ABTB2: variants seen among roughly 807,000 people sequenced by gnomAD.
ABTB2 encodes the protein ankyrin repeat and BTB/POZ domain-containing protein 2.
In ABTB2, 56 loss-of-function variants were observed where a neutral mutation model predicts 104.1. That is an observed-to-expected ratio of 0.54 (90% CI 0.43 to 0.67). The LOEUF is 0.67. Among genes scored for constraint, ABTB2 ranks in the 30% least tolerant of loss-of-function variants. The probability of loss-of-function intolerance (pLI) is 0.00; values close to 1 mark genes in which losing one functional copy is unlikely to be tolerated. For missense variants in ABTB2, 1,279 were observed against 1,407.7 expected (o/e 0.91, Z 1.46); for synonymous variants, 606 against 608.2 (o/e 1.00, Z 0.05).
At chr11:34,286,446 C>T (rs1316692483) in intron 1 of ABTB2, among the ~76,000 whole-genome samples, 2 of 152,040 alleles carry the variant, frequency 1.3e-5, no homozygotes, top group East Asian at 1.9e-4. Flanking sequence ...GCACCCGCCA[C>T]CACACCCAGC....
intron 1 of ABTB2, among the ~76,000 whole-genome samples, chr11:34,310,084 C>G (rs1037547875): frequency 6.6e-6 from 1 of 152,132 alleles, no homozygotes; most frequent in African/African-American, 2.4e-5. Flanking sequence ...CGCCCTGCAT[C>G]TAAAAGGGGG....
intron 1 of ABTB2, among the ~76,000 whole-genome samples, chr11:34,235,032 T>G (rs964316716): frequency 6.6e-6 from 1 of 152,244 alleles, no homozygotes; most frequent in East Asian, 1.9e-4. Context: ...TAATTTTTTT[T>G]TTGTATTTTT....
At chr11:34,312,293 C>T (rs1854865943) in intron 1 of ABTB2, among the ~76,000 whole-genome samples, 1 of 152,174 alleles carries the variant, frequency 6.6e-6, no homozygotes, top group Admixed American at 6.5e-5. Context: ...CCCAGGAAAA[C>T]ACACCTTGTT....
intron 8 of ABTB2, 146 bp downstream of exon 8, chr11:34,165,114 C>G (rs920545312): frequency 1.2e-6 from 1 of 802,356 alleles, no homozygotes; most frequent in Non-Finnish European, 1.9e-6. Context: ...GGGGAAGCCC[C>G]CAGTGGTCCA....
chr11:34,155,924 CTGAG>C (rs1473372873), intron 14 of ABTB2, among the ~76,000 whole-genome samples: 3 of 152,244 alleles, frequency 2.0e-5, no homozygotes, highest in East Asian at 3.8e-4. Context: ...ATGCAGGGCA[CTGAG>C]TGAGTGCTCA....
At chr11:34,335,201 A>C in intron 1 of ABTB2, 1 of 1,263,700 alleles carries the variant, frequency 7.9e-7, no homozygotes, top group Non-Finnish European at 1.2e-6. Flanking sequence ...TACCCCAGAG[A>C]CTATGACGAA....
At chr11:34,355,666 G>A (rs766003993) in intron 1 of ABTB2, among the ~76,000 whole-genome samples, 22 of 152,090 alleles carry the variant, frequency 1.4e-4, no homozygotes, top group Non-Finnish European at 2.9e-4. Flanking sequence ...ACTGAAAGCT[G>A]CCCCCCAAAT....
In ABTB2 at chr11:34,327,155, G is replaced by T. The variant is rs536442150; in HGVS notation, c.883+29546C>A. ...GATAAACAACAAAACATGACTATTTGCTGTATACAAGAAACTCACTTGGAA... is the reference window on the plus strand; with the variant it reads ...GATAAACAACAAAACATGACTATTTTCTGTATACAAGAAACTCACTTGGAA... On this transcript the variant is annotated intron_variant, in intron 1 of 16. Transcript: ENST00000435224. Among the ~76,000 whole-genome samples the T allele has an allele frequency of 2.0e-5, 3 of 152,302 alleles. No homozygotes were observed. In the East Asian group the frequency reaches 5.8e-4, roughly 29 times the overall value.
At chr11:34,287,690 G>A (rs1998277) in intron 1 of ABTB2, among the ~76,000 whole-genome samples, 107,978 of 152,100 alleles carry the variant, frequency 0.71, 38,460 homozygotes, top group South Asian at 0.85. Flanking sequence ...GAGGCTCTCC[G>A]CACAAGCTAG....
chr11:34,333,310 T>C (rs1204325175), intron 1 of ABTB2, among the ~76,000 whole-genome samples: 1 of 152,150 alleles, frequency 6.6e-6, no homozygotes, highest in Non-Finnish European at 1.5e-5. Flanking sequence ...CCTGGGTAAG[T>C]TACATAGCGG....
chr11:34,310,467 C>A (rs991275713), intron 1 of ABTB2, among the ~76,000 whole-genome samples: 6 of 152,122 alleles, frequency 3.9e-5, no homozygotes, highest in Non-Finnish European at 7.4e-5. Context: ...GCTTGCCTTG[C>A]CTCTCCCCTG....
intron 1 of ABTB2, among the ~76,000 whole-genome samples, chr11:34,230,871 C>CTCTTTT (rs1041031961): frequency 2.0e-5 from 3 of 152,222 alleles, no homozygotes; most frequent in Non-Finnish European, 4.4e-5. Flanking sequence ...ATTCTGGTTT[C>CTCTTTT]TCTTTTTCTT....
chr11:34,298,393 G>C (rs1454695396), intron 1 of ABTB2, among the ~76,000 whole-genome samples: 1 of 150,342 alleles, frequency 6.7e-6, no homozygotes, highest in Non-Finnish European at 1.5e-5. Flanking sequence ...TGGGGTAGGG[G>C]TGAGGAATGA....
At chr11:34,284,087 T>A (rs1354717229) in intron 1 of ABTB2, among the ~76,000 whole-genome samples, 1 of 152,030 alleles carries the variant, frequency 6.6e-6, no homozygotes, top group Non-Finnish European at 1.5e-5. Context: ...CTTTTGAGAG[T>A]CTGCATTTCT....
chr11:34,255,497 C>CT lies in ABTB2; in HGVS notation c.884-50808dup, dbSNP rs879472977. Among the ~76,000 whole-genome samples, 952 of 146,228 alleles carry CT rather than the reference C, an allele frequency of 6.5e-3. 9 individuals are homozygous for CT. Among genetic ancestry groups the CT allele is most frequent in the African/African-American group, 0.015 (621 of 40,068 alleles). On this transcript the variant is annotated intron_variant, in intron 1 of 16. Transcript: ENST00000435224. ...AAAGTGAGTCAGAAATTAAAAACTT[C>CT]TTTTTTTTTTTTTGAGACACAGTCT...
At chr11:34,276,255 A>G (rs1042365739) in intron 1 of ABTB2, among the ~76,000 whole-genome samples, 6 of 152,128 alleles carry the variant, frequency 3.9e-5, no homozygotes, top group Non-Finnish European at 2.9e-5. Flanking sequence ...GATGTGACTA[A>G]TAAGTCCCAA....
At chr11:34,201,206 C>G (rs1188296064) in intron 2 of ABTB2, among the ~76,000 whole-genome samples, 1 of 152,056 alleles carries the variant, frequency 6.6e-6, no homozygotes, top group Non-Finnish European at 1.5e-5. Flanking sequence ...TGATCCTACA[C>G]TCAATGAAAC....
At chr11:34,157,968 A>G (rs1027613718) in intron 14 of ABTB2, among the ~76,000 whole-genome samples, 3 of 152,022 alleles carry the variant, frequency 2.0e-5, no homozygotes, top group African/African-American at 7.3e-5. Flanking sequence ...AAGTTACTCA[A>G]CCTCTCCATG....
At chr11:34,262,265 T>C (rs1263360880) in intron 1 of ABTB2, among the ~76,000 whole-genome samples, 1 of 152,216 alleles carries the variant, frequency 6.6e-6, no homozygotes, top group Non-Finnish European at 1.5e-5. Context: ...TTTTGTCATC[T>C]GTTTTTGGCA....
Sources: allele counts gnomAD v4.1 joint callset (sites outside exome capture counted in the v4.1 genomes callset), GRCh38; gene constraint gnomAD v4.1.1; transcripts MANE v1.5; gene names NCBI Gene and HGNC (gene_info 2026-07-23, HGNC 2026-07-21).